DNMBP: variants seen among roughly 807,000 people sequenced by gnomAD.
DNMBP encodes the protein dynamin-binding protein.
A neutral mutation model predicts 150.0 loss-of-function variants in DNMBP; 87 were observed. The ratio of observed to expected loss-of-function variants is 0.58; its 90% CI spans 0.49 to 0.69. The LOEUF (loss-of-function observed/expected upper bound fraction) is 0.69. DNMBP is among the 30% of genes least tolerant of loss of function. The pLI is 0.00. For synonymous variants in DNMBP, 711 were observed against 750.4 expected, an observed-to-expected ratio of 0.95 and a Z score of 0.86; for missense variants, 1,774 against 1,949.0, an observed-to-expected ratio of 0.91 and a Z score of 1.69.
At position 99,880,240 on chromosome 10, in the gene DNMBP, C is replaced by A. The variant is rs1292233029; in HGVS notation, c.4119G>T (p.Arg1373Ser). 1 of 1,614,088 alleles carries A rather than the reference C, an allele frequency of 6.2e-7. No homozygotes were observed. Reference protein sequence around the residue: ...TESEHGSSSPRFPRQNSGSTL... With the variant: ...TESEHGSSSPSFPRQNSGSTL... Reference sequence around the variant, plus strand: ...TGCTGCCGCTGTTCTGGCGTGGGAACCTGGGGGAGGAGCTGCCGTGCTCAG... The same window carrying A: ...TGCTGCCGCTGTTCTGGCGTGGGAAACTGGGGGAGGAGCTGCCGTGCTCAG... Residue 1373 changes from arginine to serine, a missense_variant, in exon 16 of 17, where the codon AGG becomes AGT. Around this residue, in one of 2 missense-constraint regions of DNMBP, gnomAD observed 1,430 missense variants for 1,492.5 expected, o/e 0.96. Coordinates refer to ENST00000324109, the MANE Select transcript of DNMBP (RefSeq NM_015221.4).
At chr10:99,909,930 A>G (rs904394235) in intron 4 of DNMBP, among the ~76,000 whole-genome samples, 5 of 152,228 alleles carry the variant, frequency 3.3e-5, no homozygotes, top group Non-Finnish European at 5.9e-5. Flanking sequence ...ACTTAGATAC[A>G]CAGGATGAGA....
chr10:99,923,290 G>A (rs1157864182), intron 4 of DNMBP, among the ~76,000 whole-genome samples: 1 of 152,192 alleles, frequency 6.6e-6, no homozygotes, highest in Non-Finnish European at 1.5e-5. Context: ...TCGGGAGGCT[G>A]AGGCAGAATC....
At chr10:99,945,183 AC>A (rs2040342992) in intron 4 of DNMBP, among the ~76,000 whole-genome samples, 1 of 152,230 alleles carries the variant, frequency 6.6e-6, no homozygotes, top group Non-Finnish European at 1.5e-5. Context: ...AACAAAAAAA[AC>A]AAAAAAAATC....
At chr10:99,950,193 T>C (rs1353148811) in intron 4 of DNMBP, among the ~76,000 whole-genome samples, 1 of 152,222 alleles carries the variant, frequency 6.6e-6, no homozygotes, top group East Asian at 1.9e-4. Context: ...GCTCTCTCTT[T>C]GCCAGCTGCC....
Position 99,886,493 on chromosome 10 carries a change from T to C in DNMBP, c.3425A>G (p.Lys1142Arg). 1 of 1,614,200 alleles carries C rather than the reference T, an allele frequency of 6.2e-7. No individual in the cohort carries two copies. The highest frequency in any genetic ancestry group is 1.1e-5 in the South Asian group (1 of 91,082). ...CAGCTCCTCCAGGGTCTTCTTGTCC[T>C]TTAGCTTTTCTGCCCGTTCTGTACA... is the stretch of plus-strand genomic sequence containing the variant. ...YNCTERAEKL[K>R]DKKTLEELQS... Residue 1142 changes from lysine to arginine, a missense_variant, in exon 13 of 17, where the codon AAG becomes AGG. Physicochemically the swap from Lys to Arg is conservative, Grantham distance 26. Around this residue, in one of 2 missense-constraint regions of DNMBP, gnomAD observed 1,430 missense variants for 1,492.5 expected, o/e 0.96. Transcript: ENST00000324109.
intron 1 of DNMBP, among the ~76,000 whole-genome samples, chr10:99,988,078 TAA>T (rs11356931): frequency 6.7e-6 from 1 of 149,426 alleles, no homozygotes; most frequent in Non-Finnish European, 1.5e-5. Context: ...TTTTGCTTAA[TAA>T]AAAAAAAAAT....
In DNMBP at chr10:99,880,322, T is replaced by G. The variant is rs946191245; in HGVS notation, c.4037A>C (p.Tyr1346Ser). 3.1e-6 allele frequency: 5 copies of G among 1,609,388 alleles called. No homozygotes were observed. In the Admixed American group the frequency reaches 6.7e-5, roughly 21 times the overall value. The stretch of plus-strand genomic sequence containing the variant: ...ATCGGAGTGGCTGCGGCGAGGATTG[T>G]AGGGCTTTAGGAAAGAGCTGTACAC... ...GFVYSSFLKP[Y>S]NPRRSHSDAS... is the part of the protein sequence containing the mutation. Residue 1346 changes from tyrosine to serine, a missense_variant, in exon 16 of 17, where the codon TAC (tyrosine) becomes TCC (serine). Coordinates refer to ENST00000324109, the MANE Select transcript of DNMBP (RefSeq NM_015221.4).
At chr10:99,928,056 C>T (rs1344366583) in intron 4 of DNMBP, 1 of 151,954 alleles carries the variant, frequency 6.6e-6, no homozygotes, top group East Asian at 1.9e-4. Flanking sequence ...TTATCCAGTC[C>T]CTATCATTTC....
intron 15 of DNMBP, 69 bp downstream of exon 15, chr10:99,883,942 G>A: frequency 6.8e-7 from 1 of 1,477,658 alleles, no homozygotes; most frequent in Non-Finnish European, 9.3e-7. Context: ...GCCTAGTCCA[G>A]ATTCGGGTGC....
chr10:99,882,644 T>C (rs761688860), intron 15 of DNMBP, among the ~76,000 whole-genome samples: 1 of 152,086 alleles, frequency 6.6e-6, no homozygotes, highest in African/African-American at 2.4e-5. Context: ...AAACTAAAAC[T>C]TAAAGTATCT....
chr10:99,881,223 C>T (rs912632647), intron 15 of DNMBP, among the ~76,000 whole-genome samples: 4 of 151,872 alleles, frequency 2.6e-5, no homozygotes, highest in African/African-American at 7.3e-5. Flanking sequence ...AACGAAACTC[C>T]GTCTCAAAAA....
At chr10:99,907,128 C>T (rs376043571) in intron 6 of DNMBP, among the ~76,000 whole-genome samples, 2 of 151,824 alleles carry the variant, frequency 1.3e-5, no homozygotes, top group African/African-American at 4.8e-5. Flanking sequence ...CTGGGCACAG[C>T]CTGGGCAACA....
intron 10 of DNMBP, 72 bp from the exon 11 acceptor site, chr10:99,895,122 C>CT (rs373241582): frequency 0.18 from 92,826 of 503,108 alleles, 203 homozygotes; most frequent in East Asian, 0.21. Context: ...AAGTAGCTTG[C>CT]TTTTTTTTTT....
chr10:99,929,534 T>A, intron 4 of DNMBP: 1 of 603,994 alleles, frequency 1.7e-6, no homozygotes, highest in Non-Finnish European at 2.9e-6. Flanking sequence ...ACACAAGTGC[T>A]CCTAGTACCT....
chr10:99,968,954 G>A (rs1195411973), intron 3 of DNMBP, among the ~76,000 whole-genome samples, 161 bp downstream of exon 3: 1 of 152,118 alleles, frequency 6.6e-6, no homozygotes, highest in Non-Finnish European at 1.5e-5. Context: ...TTTTAAAATG[G>A]TACTAAACTA....
At chr10:99,900,988 T>C (rs1336813469) in intron 6 of DNMBP, among the ~76,000 whole-genome samples, 1 of 152,190 alleles carries the variant, frequency 6.6e-6, no homozygotes, top group African/African-American at 2.4e-5. Context: ...CAGGCTCCAC[T>C]GCAGTGGTAC....
chr10:99,964,883 A>ATAT (rs1209625929), intron 3 of DNMBP, among the ~76,000 whole-genome samples: 91 of 127,654 alleles, frequency 7.1e-4, no homozygotes, highest in African/African-American at 2.7e-3. Context: ...GGAAAAAAAA[A>ATAT]AAATATATAT....
At chr10:99,903,452 C>T (rs1171925751) in intron 6 of DNMBP, among the ~76,000 whole-genome samples, 2 of 152,066 alleles carry the variant, frequency 1.3e-5, no homozygotes, top group Non-Finnish European at 2.9e-5. Context: ...CTGCCCTCAG[C>T]CCCCCAAATA....
chr10:99,881,228 C>CAA (rs371990529), intron 15 of DNMBP, among the ~76,000 whole-genome samples: 4 of 150,700 alleles, frequency 2.7e-5, no homozygotes, highest in African/African-American at 9.7e-5. Flanking sequence ...AACTCCGTCT[C>CAA]AAAAAAAAAG....
Sources: allele counts gnomAD v4.1 joint callset (sites outside exome capture counted in the v4.1 genomes callset), GRCh38; gene constraint gnomAD v4.1.1; regional missense constraint gnomAD v4.1.1; transcripts MANE v1.5; gene names NCBI Gene and HGNC (gene_info 2026-07-23, HGNC 2026-07-21).